CAMTA1: variants seen among roughly 807,000 people sequenced by gnomAD.
CAMTA1 encodes calmodulin-binding transcription activator 1.
A neutral mutation model predicts 170.9 loss-of-function variants in CAMTA1; 27 were observed. The ratio of observed to expected loss-of-function variants is 0.16; its 90% CI spans 0.12 to 0.22. The LOEUF (loss-of-function observed/expected upper bound fraction) is 0.22. CAMTA1 is among the 10% of genes least tolerant of loss of function. The pLI is 1.00. For missense variants in CAMTA1, 1,619 were observed against 2,217.2 expected (o/e 0.73, Z 5.42); for synonymous variants, 833 against 891.5 (o/e 0.93, Z 1.17).
chr1:7,507,439 C>A (rs2094136877), intron 6 of CAMTA1, among the ~76,000 whole-genome samples: 1 of 152,156 alleles, frequency 6.6e-6, no homozygotes, highest in African/African-American at 2.4e-5. Context: ...GCTGTTTACT[C>A]CCCCAAGCAG....
At chr1:7,578,902 T>C (rs1258742007) in intron 6 of CAMTA1, among the ~76,000 whole-genome samples, 2 of 152,210 alleles carry the variant, frequency 1.3e-5, no homozygotes, top group Middle Eastern at 3.2e-3. Context: ...ATTAAATTTC[T>C]AACACATGAG....
chr1:7,119,653 G>T (rs1476378870), intron 4 of CAMTA1, among the ~76,000 whole-genome samples: 1 of 152,156 alleles, frequency 6.6e-6, no homozygotes, highest in African/African-American at 2.4e-5. Context: ...GAGGGCTTAG[G>T]AGAGGCCTCT....
intron 3 of CAMTA1, among the ~76,000 whole-genome samples, chr1:6,872,383 T>C (rs1238786826): frequency 6.6e-6 from 1 of 152,236 alleles, no homozygotes; most frequent in Non-Finnish European, 1.5e-5. Context: ...TGAAGTATTT[T>C]GGGGAGAAAA....
chr1:6,875,980 G>A (rs1366223169), intron 3 of CAMTA1, among the ~76,000 whole-genome samples: 2 of 152,354 alleles, frequency 1.3e-5, no homozygotes, highest in East Asian at 1.9e-4. Context: ...TTATGGGCCA[G>A]TTTAGTTGTT....
chr1:7,723,117 A>T (rs1195651465), intron 11 of CAMTA1, among the ~76,000 whole-genome samples: 1 of 152,148 alleles, frequency 6.6e-6, no homozygotes, highest in Non-Finnish European at 1.5e-5. Flanking sequence ...CAGCACCCAG[A>T]TGTTCATTTC....
At chr1:7,276,303 A>ATATATATTTTTTTT in intron 5 of CAMTA1, among the ~76,000 whole-genome samples, 5 of 24,228 alleles carry the variant, frequency 2.1e-4, no homozygotes, top group African/African-American at 3.0e-4. Flanking sequence ...ATATATATAT[A>ATATATATTTTTTTT]TTTTTTTTTT....
intron 6 of CAMTA1, among the ~76,000 whole-genome samples, chr1:7,496,970 G>A (rs550621385): frequency 2.3e-3 from 344 of 151,588 alleles, no homozygotes; most frequent in African/African-American, 8.1e-3. Flanking sequence ...AAGTGGCACA[G>A]CCCGGGAAGG....
intron 5 of CAMTA1, among the ~76,000 whole-genome samples, chr1:7,266,543 A>T (rs553976843): frequency 6.6e-6 from 1 of 152,346 alleles, no homozygotes; most frequent in South Asian, 2.1e-4. Context: ...CACAAAACAG[A>T]TAGGTTCTTC....
intron 5 of CAMTA1, among the ~76,000 whole-genome samples, chr1:7,418,488 C>T (rs917172956): frequency 5.3e-5 from 8 of 152,312 alleles, no homozygotes; most frequent in African/African-American, 1.4e-4. Context: ...CATGAGCCAC[C>T]GTGCCTGGCT....
At chr1:7,684,955 G>A (rs2096245520) in intron 11 of CAMTA1, among the ~76,000 whole-genome samples, 1 of 152,200 alleles carries the variant, frequency 6.6e-6, no homozygotes, top group South Asian at 2.1e-4. Flanking sequence ...GTTGTGAGAA[G>A]CGCAGTGAAG....
At chr1:7,166,197 G>C (rs946077090) in intron 4 of CAMTA1, among the ~76,000 whole-genome samples, 8 of 151,924 alleles carry the variant, frequency 5.3e-5, no homozygotes, top group Admixed American at 3.9e-4. Flanking sequence ...CTCCCGAGTA[G>C]CTGGGACTAC....
At chr1:7,389,622 G>A (rs2088461243) in intron 5 of CAMTA1, 1 of 152,424 alleles carries the variant, frequency 6.6e-6, no homozygotes, top group Non-Finnish European at 1.5e-5. Context: ...GGAGAGAAGT[G>A]GGGGCAGGTG....
chr1:7,544,196 A>C (rs2094655182), intron 6 of CAMTA1, among the ~76,000 whole-genome samples: 1 of 152,224 alleles, frequency 6.6e-6, no homozygotes, highest in African/African-American at 2.4e-5. Context: ...GGCACTTCTT[A>C]CATGGCGGTG....
At chr1:7,760,937 A>G (rs1430952542) in intron 22 of CAMTA1, among the ~76,000 whole-genome samples, 1 of 152,212 alleles carries the variant, frequency 6.6e-6, no homozygotes, top group Admixed American at 6.5e-5. Flanking sequence ...CGCTTTACCC[A>G]TGGAGCCATT....
chr1:7,597,150 G>A (rs966670267), intron 6 of CAMTA1, among the ~76,000 whole-genome samples: 1 of 152,200 alleles, frequency 6.6e-6, no homozygotes, highest in Non-Finnish European at 1.5e-5. Context: ...CACTGAGTAG[G>A]CAAGGGTCTT....
intron 11 of CAMTA1, among the ~76,000 whole-genome samples, chr1:7,719,007 G>A (rs2096632300): frequency 6.6e-6 from 1 of 152,154 alleles, no homozygotes; most frequent in Non-Finnish European, 1.5e-5. Context: ...TTGAGGCAGT[G>A]TGCTCCAAAC....
chr1:7,055,927 C>T (rs957571569), intron 3 of CAMTA1, among the ~76,000 whole-genome samples: 1 of 152,198 alleles, frequency 6.6e-6, no homozygotes, highest in Non-Finnish European at 1.5e-5. Context: ...CTGCCCCTTC[C>T]TCTGCACAAG....
rs966805278 is a variant in CAMTA1 at position 7,674,720 on chromosome 1, G to A, written c.2780-2879G>A. On this transcript the variant is annotated intron_variant, in intron 10 of 22. Transcript: ENST00000303635. The surrounding 1 kb of genome is among the most constrained non-coding windows in gnomAD (Gnocchi z 4.1). The stretch of plus-strand genomic sequence containing the variant: ...ACCTGGCAGGTGGAGGTTGCAGTGA[G>A]CCAAGATCACGCCACTGCACTCCAG... 1.3e-5 allele frequency among the ~76,000 whole-genome samples: 2 copies of A among 152,162 alleles called. No individual in the cohort carries two copies. Among genetic ancestry groups the A allele is most frequent in the Non-Finnish European group, 2.9e-5 (2 of 68,030 alleles).
intron 6 of CAMTA1, among the ~76,000 whole-genome samples, chr1:7,515,123 G>A (rs1212780347): frequency 2.7e-5 from 4 of 150,670 alleles, no homozygotes; most frequent in African/African-American, 7.3e-5. Context: ...GTCCTCCCCG[G>A]CTCCCTCCAC....
Sources: gnomAD v4.1 joint callset for allele counts (sites outside exome capture counted in the v4.1 genomes callset) on GRCh38, gnomAD v4.1.1 for gene constraint, Gnocchi (gnomAD v3.1) non-coding constraint, MANE v1.5 for transcripts, NCBI Gene and HGNC (gene_info 2026-07-23, HGNC 2026-07-21) for gene names.